ATF7: variants seen among roughly 807,000 people sequenced by gnomAD.
ATF7 encodes cyclic AMP-dependent transcription factor ATF-7.
A neutral mutation model predicts 50.4 loss-of-function variants in ATF7; 10 were observed. That is an observed-to-expected ratio of 0.20 (90% confidence interval 0.12 to 0.34). The LOEUF (loss-of-function observed/expected upper bound fraction) is 0.34, where lower values mean the gene tolerates loss of function less well. Among genes scored for constraint, ATF7 ranks in the 10% least tolerant of loss-of-function variants. The probability of loss-of-function intolerance (pLI) is 1.00; values close to 1 mark genes in which losing one functional copy is unlikely to be tolerated. For missense variants in ATF7, 465 were observed against 613.9 expected, an observed-to-expected ratio of 0.76 and a Z score of 2.56; for synonymous variants, 201 against 226.4, an observed-to-expected ratio of 0.89 and a Z score of 1.01.
chr12:53,618,387 G>A (rs1431250092), intron 1 of ATF7, among the ~76,000 whole-genome samples: 1 of 152,102 alleles, frequency 6.6e-6, no homozygotes, highest in Non-Finnish European at 1.5e-5. Flanking sequence ...TTGTTTCCCT[G>A]CCTAGTAGCA....
rs933903256 is a variant in ATF7 at position 53,516,945 on chromosome 12, G to A, written c.*192C>T. 4 of 654,602 alleles carry A rather than the reference G, an allele frequency of 6.1e-6. No individual in the cohort carries two copies. The highest frequency in any genetic ancestry group is 1.0e-5 in the Non-Finnish European group (4 of 384,228). 40.5% of individuals were successfully genotyped at this position (654,602 alleles called of 1,614,324 possible). A position where few individuals can be genotyped will look rare whatever the true frequency, so the allele number is the denominator to read the frequency against. On this transcript the variant is annotated 3_prime_UTR_variant, in exon 12 of 12. Coordinates refer to ENST00000420353, the MANE Select transcript of ATF7 (RefSeq NM_006856.3). ...GATCTATGAGGCTCCGGGGCTGGGAGGCCCCCAGCACAGGTGTCAAACGTA... is the reference window on the plus strand; with the variant it reads ...GATCTATGAGGCTCCGGGGCTGGGAAGCCCCCAGCACAGGTGTCAAACGTA...
At chr12:53,595,842 G>A (rs763743233) in intron 2 of ATF7, among the ~76,000 whole-genome samples, 5 of 152,106 alleles carry the variant, frequency 3.3e-5, no homozygotes, top group East Asian at 1.9e-4. Context: ...TATATGTTTC[G>A]TATCTCAGTT....
chr12:53,587,747 C>T (rs1942758654), intron 2 of ATF7, among the ~76,000 whole-genome samples: 1 of 146,908 alleles, frequency 6.8e-6, no homozygotes, highest in Admixed American at 6.9e-5. Flanking sequence ...ACAACATATA[C>T]AAAGAATCCC....
intron 2 of ATF7, among the ~76,000 whole-genome samples, chr12:53,576,340 A>C (rs1942066143): frequency 6.6e-6 from 1 of 152,118 alleles, no homozygotes; most frequent in Non-Finnish European, 1.5e-5. Flanking sequence ...AGCTCTCCCA[A>C]CCTTCCTTAG....
chr12:53,611,116 T>C (rs1422767937), intron 1 of ATF7, among the ~76,000 whole-genome samples: 2 of 151,936 alleles, frequency 1.3e-5, no homozygotes, highest in African/African-American at 2.4e-5. Flanking sequence ...GGGTGAGCCA[T>C]TGTACCCAGC....
At chr12:53,531,676 C>T in intron 9 of ATF7, 68 bp downstream of exon 9, 1 of 1,460,218 alleles carries the variant, frequency 6.8e-7, no homozygotes, top group South Asian at 1.4e-5. Flanking sequence ...ATTTTCTGCT[C>T]CTTGAACAAT....
intron 2 of ATF7, among the ~76,000 whole-genome samples, chr12:53,584,897 G>A (rs146083194): frequency 6.6e-6 from 1 of 152,180 alleles, no homozygotes; most frequent in Non-Finnish European, 1.5e-5. Flanking sequence ...TGGGAAGTGA[G>A]GGATGAACAG....
At chr12:53,592,233 T>C (rs1004446689) in intron 2 of ATF7, among the ~76,000 whole-genome samples, 6 of 152,218 alleles carry the variant, frequency 3.9e-5, no homozygotes, top group African/African-American at 1.4e-4. Context: ...GTCCACATTC[T>C]TACCAAAGCA....
At chr12:53,531,622 G>A in intron 9 of ATF7, 122 bp downstream of exon 9, 1 of 1,120,530 alleles carries the variant, frequency 8.9e-7, no homozygotes, top group Non-Finnish European at 1.2e-6. Flanking sequence ...AAGAACCAAA[G>A]TAAGCAGGAA....
rs925913590 is a variant in ATF7 at position 53,524,987 on chromosome 12, G to A, written c.928-226C>T. On this transcript the variant is annotated intron_variant, in intron 9 of 11. Transcript: ENST00000420353. The surrounding 1 kb of genome is among the most constrained non-coding windows in gnomAD (Gnocchi z 4.6). Reference sequence around the variant, plus strand: ...CAGTCTCATACTTAGACAAACTACAGTTCATTTGGAAACTCTGATTATTTA... The same window carrying A: ...CAGTCTCATACTTAGACAAACTACAATTCATTTGGAAACTCTGATTATTTA... 1.4e-4 allele frequency: 66 copies of A among 463,366 alleles called. No individual in the cohort carries two copies. Among genetic ancestry groups the A allele is most frequent in the Non-Finnish European group, 2.3e-4 (61 of 264,098 alleles). 28.7% of individuals were successfully genotyped at this position (463,366 alleles called of 1,614,324 possible).
At chr12:53,620,575 CAAAAAAAAAAA>C (rs34516346) in intron 1 of ATF7, among the ~76,000 whole-genome samples, 1 of 75,772 alleles carries the variant, frequency 1.3e-5, no homozygotes, top group East Asian at 4.6e-4. Flanking sequence ...GACTCCGTCT[CAAAAAAAAAAA>C]AAAAAAAAAA....
rs190510319 is a variant in ATF7 at position 53,532,990 on chromosome 12, T to C, written c.660+170A>G. Reference sequence around the variant, plus strand: ...AGATGAGTCTTTATCTAGTGTTCCATAGTGCTGGATTGGCAGAGGTTAGTG... The same window carrying C: ...AGATGAGTCTTTATCTAGTGTTCCACAGTGCTGGATTGGCAGAGGTTAGTG... On this transcript the variant is annotated intron_variant, in intron 7 of 11. Transcript: ENST00000420353. 3.4e-3 allele frequency among the ~76,000 whole-genome samples: 519 copies of C among 152,296 alleles called. 4 individuals carry two copies. Among genetic ancestry groups the C allele is most frequent in the African/African-American group, 0.012 (500 of 41,548 alleles).
At chr12:53,572,080 A>C (rs2137631370) in intron 2 of ATF7, among the ~76,000 whole-genome samples, 2 of 152,248 alleles carry the variant, frequency 1.3e-5, no homozygotes, top group Middle Eastern at 6.8e-3. Flanking sequence ...AAAAAAAAAG[A>C]AAAAGTGTTT....
At chr12:53,586,844 G>A (rs1456736207) in intron 2 of ATF7, among the ~76,000 whole-genome samples, 5 of 152,040 alleles carry the variant, frequency 3.3e-5, no homozygotes, top group Non-Finnish European at 5.9e-5. Context: ...CAACTAACTG[G>A]TCTATCAGAG....
intron 1 of ATF7, among the ~76,000 whole-genome samples, chr12:53,614,980 T>G (rs904025101): frequency 2.0e-5 from 3 of 151,760 alleles, no homozygotes; most frequent in Non-Finnish European, 4.4e-5. Context: ...CTCAGGAAGC[T>G]GAGGCAGGAG....
intron 2 of ATF7, among the ~76,000 whole-genome samples, chr12:53,572,463 A>AG (rs1288782231): frequency 1.3e-4 from 20 of 152,210 alleles, no homozygotes; most frequent in Non-Finnish European, 2.9e-5. Context: ...ACCCAGTCAC[A>AG]GAGGAGCCCC....
At chr12:53,526,267 C>T (rs1312713006) in intron 9 of ATF7, among the ~76,000 whole-genome samples, 2 of 150,088 alleles carry the variant, frequency 1.3e-5, no homozygotes, top group Non-Finnish European at 3.0e-5. Context: ...CCCCTTCCAA[C>T]TTCTCCACCT....
At chr12:53,582,590 T>A (rs1166792077) in intron 2 of ATF7, among the ~76,000 whole-genome samples, 1 of 152,124 alleles carries the variant, frequency 6.6e-6, no homozygotes, top group Non-Finnish European at 1.5e-5. Flanking sequence ...ATTTATTTAT[T>A]TATTTTGAGA....
rs11832392 is a variant in ATF7 at position 53,583,705 on chromosome 12, G to T, written c.48+17248C>A. On this transcript the variant is annotated intron_variant, in intron 2 of 11. Coordinates refer to ENST00000420353, the MANE Select transcript of ATF7 (RefSeq NM_006856.3). ...AACTAAGTAATTGATAAGCTGGACT[G>T]TGCTAAAATTAGAAATATCTGCTCT... Among the ~76,000 whole-genome samples the T allele has an allele frequency of 7.5e-3, 1,143 of 152,146 alleles. 16 individuals carry two copies. Among genetic ancestry groups the T allele is most frequent in the South Asian group, 0.042 (200 of 4,808 alleles).
Sources: gnomAD v4.1 joint callset for allele counts (sites outside exome capture counted in the v4.1 genomes callset) on GRCh38, gnomAD v4.1.1 for gene constraint, Gnocchi (gnomAD v3.1) non-coding constraint, MANE v1.5 for transcripts, NCBI Gene and HGNC (gene_info 2026-07-23, HGNC 2026-07-21) for gene names.